The following CMSS1 variants were observed in gnomAD, a reference collection of about 807,000 sequenced individuals.
CMSS1 encodes cms1 ribosomal small subunit homolog.
CMSS1 carries 33 observed loss-of-function variants against 43.5 expected under a neutral mutation model. The ratio of observed to expected loss-of-function variants is 0.76; its 90% confidence interval spans 0.57 to 1.01. CMSS1 has a LOEUF of 1.01. CMSS1 is among the 50% of genes least tolerant of loss of function. The pLI, the probability that CMSS1 is intolerant of heterozygous loss-of-function variation, is 0.00. For missense variants in CMSS1, 313 were observed against 326.4 expected, an observed-to-expected ratio of 0.96 and a Z score of 0.32; for synonymous variants, 115 against 117.2, an observed-to-expected ratio of 0.98 and a Z score of 0.12.
At position 99,846,984 on chromosome 3, in the gene CMSS1, A is replaced by G. The variant is rs78552759; in HGVS notation, c.64+28941A>G. On this transcript the variant is annotated intron_variant, in intron 1 of 9. Transcript: ENST00000421999. ...CCCTGAAAGCTGTTGTTCTCTGCTCAGAAGTATGGATTATCCCCAGGGACT... is the reference window on the plus strand; with the variant it reads ...CCCTGAAAGCTGTTGTTCTCTGCTCGGAAGTATGGATTATCCCCAGGGACT... 4.5e-3 allele frequency among the ~76,000 whole-genome samples: 685 copies of G among 152,334 alleles called. 7 individuals carry two copies. The highest frequency in any genetic ancestry group is 0.016 in the African/African-American group (671 of 41,576).
At chr3:100,150,680 C>T (rs1455806865) in intron 2 of CMSS1, among the ~76,000 whole-genome samples, 1 of 152,214 alleles carries the variant, frequency 6.6e-6, no homozygotes, top group Non-Finnish European at 1.5e-5. Context: ...AAATAATCAT[C>T]CTTGGCCTGC....
chr3:99,912,333 C>A (rs1266321843), intron 1 of CMSS1, among the ~76,000 whole-genome samples: 2 of 152,118 alleles, frequency 1.3e-5, no homozygotes, highest in East Asian at 3.9e-4. Context: ...TGGTTTCTAG[C>A]GGCTGTAGTG....
intron 1 of CMSS1, among the ~76,000 whole-genome samples, chr3:99,941,362 G>A (rs1271268571): frequency 6.6e-6 from 1 of 152,182 alleles, no homozygotes; most frequent in African/African-American, 2.4e-5. Context: ...AAAGTGTTTT[G>A]GAAGGATTTG....
At chr3:100,102,070 A>G (rs546533274) in intron 1 of CMSS1, among the ~76,000 whole-genome samples, 2 of 152,182 alleles carry the variant, frequency 1.3e-5, no homozygotes, top group Admixed American at 6.5e-5. Flanking sequence ...GAATAGTGCC[A>G]CAATAAACAT....
intron 1 of CMSS1, among the ~76,000 whole-genome samples, chr3:99,844,648 A>G (rs992535585): frequency 6.6e-6 from 1 of 152,206 alleles, no homozygotes. Flanking sequence ...TTGATAAAAT[A>G]TCCCTTCTAT....
chr3:99,947,957 A>G lies in CMSS1; in HGVS notation c.64+129914A>G, dbSNP rs555284614. On this transcript the variant is annotated intron_variant, in intron 1 of 9. Transcript: ENST00000421999. ...CTCATCATATAGACTTGAATAAAAA[A>G]TATGAGAATCAGACCTGTAGAGCAT... 2.4e-4 allele frequency among the ~76,000 whole-genome samples: 36 copies of G among 152,388 alleles called. No homozygotes were observed. The South Asian group carries it at 6.4e-3, about 27-fold the overall frequency.
intron 1 of CMSS1, among the ~76,000 whole-genome samples, chr3:100,080,241 C>T (rs1265188889): frequency 1.3e-5 from 2 of 152,094 alleles, no homozygotes; most frequent in African/African-American, 4.8e-5. Context: ...CCTTGGCCTC[C>T]CAAAGTATTG....
chr3:99,965,273 G>A (rs1224533867), intron 1 of CMSS1, among the ~76,000 whole-genome samples: 3 of 152,144 alleles, frequency 2.0e-5, no homozygotes, highest in African/African-American at 7.2e-5. Context: ...TCTTTCCTGT[G>A]TTCTTTGTAT....
At chr3:99,841,169 G>A (rs190523063) in intron 1 of CMSS1, among the ~76,000 whole-genome samples, 49 of 152,374 alleles carry the variant, frequency 3.2e-4, no homozygotes, top group African/African-American at 1.2e-3. Context: ...ATGTCACTGA[G>A]ACACAAGTTT....
rs559515609 is a variant in CMSS1, at chr3:100,116,004, G to C, written c.65-30969G>C. Among the ~76,000 whole-genome samples, 6 of 152,226 alleles carry C rather than the reference G, an allele frequency of 3.9e-5. No homozygotes were observed. The East Asian group carries it at 9.6e-4, about 24-fold the overall frequency. ...GTTTTGTAGAATGTTCCTTAGTTTA[G>C]ATTTGTGTGATGTTTCCTCATTGTG... On this transcript the variant is annotated intron_variant, in intron 1 of 9. Coordinates refer to ENST00000421999, the MANE Select transcript of CMSS1 (RefSeq NM_032359.4).
intron 1 of CMSS1, among the ~76,000 whole-genome samples, chr3:100,087,695 A>G (rs958909234): frequency 2.0e-5 from 3 of 152,036 alleles, no homozygotes; most frequent in African/African-American, 7.2e-5. Flanking sequence ...CATTATATTA[A>G]TAATGTCTTT....
At chr3:99,975,682 C>T (rs779480372) in intron 1 of CMSS1, among the ~76,000 whole-genome samples, 3 of 152,044 alleles carry the variant, frequency 2.0e-5, no homozygotes, top group Non-Finnish European at 2.9e-5. Context: ...AGGAAGAGAG[C>T]GTTCTGTTTT....
chr3:100,102,191 A>G (rs1031265853), intron 1 of CMSS1, among the ~76,000 whole-genome samples: 2 of 152,008 alleles, frequency 1.3e-5, no homozygotes, highest in African/African-American at 2.4e-5. Context: ...CTGAGGAATC[A>G]CCACACCGAC....
chr3:99,869,515 A>G (rs533560548), intron 1 of CMSS1, among the ~76,000 whole-genome samples: 49 of 152,304 alleles, frequency 3.2e-4, no homozygotes, highest in African/African-American at 1.2e-3. Flanking sequence ...AGAGTAATTC[A>G]CTTCTTCTGC....
intron 1 of CMSS1, among the ~76,000 whole-genome samples, chr3:100,073,540 A>G (rs1042356650): frequency 7.9e-5 from 12 of 152,230 alleles, no homozygotes; most frequent in Admixed American, 5.9e-4. Flanking sequence ...CTTGAATCCA[A>G]AAAGAAATAA....
chr3:99,940,620 C>A (rs1220200828), intron 1 of CMSS1, among the ~76,000 whole-genome samples: 1 of 152,162 alleles, frequency 6.6e-6, no homozygotes, highest in Non-Finnish European at 1.5e-5. Context: ...TGTTCATAGG[C>A]CAACCCCTGT....
At chr3:100,137,632 G>A (rs368514715) in intron 1 of CMSS1, among the ~76,000 whole-genome samples, 30 of 150,558 alleles carry the variant, frequency 2.0e-4, no homozygotes, top group East Asian at 1.2e-3. Flanking sequence ...GCGTGATCTC[G>A]GCTCACTGCA....
chr3:99,909,588 T>A (rs2107637257), intron 1 of CMSS1, among the ~76,000 whole-genome samples: 1 of 152,290 alleles, frequency 6.6e-6, no homozygotes, highest in South Asian at 2.1e-4. Flanking sequence ...AGTAAGAGAA[T>A]GAGTAGATTT....
At chr3:99,903,000 G>C (rs533857113) in intron 1 of CMSS1, among the ~76,000 whole-genome samples, 2 of 152,132 alleles carry the variant, frequency 1.3e-5, no homozygotes, top group African/African-American at 4.8e-5. Flanking sequence ...GAGGTTTCAT[G>C]ATTAAGGATA....
Sources: allele counts gnomAD v4.1 joint callset (sites outside exome capture counted in the v4.1 genomes callset), GRCh38; gene constraint gnomAD v4.1.1; transcripts MANE v1.5; gene names NCBI Gene and HGNC (gene_info 2026-07-23, HGNC 2026-07-21).